MALRD1: variants seen among roughly 807,000 people sequenced by gnomAD.
The protein encoded by MALRD1 is MAM and LDL receptor class A domain containing 1.
Under a neutral mutation model 242.1 loss-of-function variants are expected in MALRD1, and 247 were observed. The observed-to-expected ratio is 1.02, with a 90% CI of 0.92 to 1.13. The LOEUF (loss-of-function observed/expected upper bound fraction) is 1.13. MALRD1 is among the 50% of genes most tolerant of loss of function. MALRD1 has a pLI of 0.00. For missense variants in MALRD1, 2,989 were observed against 2,533.1 expected, an observed-to-expected ratio of 1.18 and a Z score of -3.86; for synonymous variants, 995 against 866.6, an observed-to-expected ratio of 1.15 and a Z score of -2.60.
intron 38 of MALRD1, among the ~76,000 whole-genome samples, chr10:19,718,857 C>T (rs975645963): frequency 6.6e-6 from 1 of 151,532 alleles, no homozygotes; most frequent in Non-Finnish European, 1.5e-5. Flanking sequence ...TTTACTAGGC[C>T]GAGATGGGTT....
intron 28 of MALRD1, among the ~76,000 whole-genome samples, chr10:19,438,943 G>C (rs1000327532): frequency 3.9e-5 from 6 of 152,094 alleles, no homozygotes; most frequent in Admixed American, 6.6e-5. Context: ...AGATTCACTG[G>C]CAACCGATGC....
At chr10:19,217,381 C>T (rs551680027) in intron 18 of MALRD1, among the ~76,000 whole-genome samples, 2 of 152,188 alleles carry the variant, frequency 1.3e-5, no homozygotes, top group African/African-American at 4.8e-5. Flanking sequence ...CTGAAACATG[C>T]TTGGAAAATA....
At chr10:19,704,465 G>T (rs549493280) in intron 38 of MALRD1, among the ~76,000 whole-genome samples, 1 of 152,220 alleles carries the variant, frequency 6.6e-6, no homozygotes. Flanking sequence ...GGCCATCATC[G>T]TGGCCTCATG....
At chr10:19,491,305 A>T (rs112567547) in intron 29 of MALRD1, 1 of 712,998 alleles carries the variant, frequency 1.4e-6, no homozygotes, top group African/African-American at 1.8e-5. Context: ...ATCAAAGTGC[A>T]TAAAAGATAT....
intron 10 of MALRD1, among the ~76,000 whole-genome samples, chr10:19,142,038 G>C (rs1043856947): frequency 6.6e-6 from 1 of 151,858 alleles, no homozygotes; most frequent in Non-Finnish European, 1.5e-5. Context: ...CGGGCGTTGT[G>C]GTGGGCGCCT....
chr10:19,386,426 A>AAC (rs1554761108), intron 26 of MALRD1, among the ~76,000 whole-genome samples: 26 of 151,108 alleles, frequency 1.7e-4, no homozygotes, highest in African/African-American at 6.3e-4. Context: ...GAAAAAAAAA[A>AAC]TGTCAGATCC....
chr10:19,064,769 CAAA>C (rs147678284), intron 1 of MALRD1, among the ~76,000 whole-genome samples: 3 of 63,174 alleles, frequency 4.7e-5, no homozygotes, highest in Admixed American at 1.7e-4. Context: ...AACTCTGTCT[CAAA>C]AAAAAAAAAA....
chr10:19,522,109 C>T (rs1245078719), intron 31 of MALRD1, among the ~76,000 whole-genome samples: 1 of 142,566 alleles, frequency 7.0e-6, no homozygotes, highest in African/African-American at 3.0e-5. Context: ...ATTGGTGACT[C>T]CTGGTCCGCC....
intron 31 of MALRD1, among the ~76,000 whole-genome samples, chr10:19,526,928 T>A (rs893597217): frequency 1.3e-5 from 2 of 152,062 alleles, no homozygotes; most frequent in African/African-American, 2.4e-5. Context: ...CTGGGGAAAA[T>A]GTAGAATAGG....
At chr10:19,299,289 A>T (rs145730707) in intron 21 of MALRD1, among the ~76,000 whole-genome samples, 1 of 151,974 alleles carries the variant, frequency 6.6e-6, no homozygotes, top group Non-Finnish European at 1.5e-5. Flanking sequence ...CTGCTTCTCC[A>T]TAAAAACTGG....
chr10:19,390,389 A>G lies in MALRD1; in HGVS notation c.4845+780A>G, dbSNP rs10763977. On this transcript the variant is annotated intron_variant, in intron 28 of 39. Transcript: ENST00000454679. ...AAGGTATGATTACATGAAACTGCTT[A>G]TTAACTGACACAGTAATGCATTTTC... 1.8e-3 allele frequency among the ~76,000 whole-genome samples: 274 copies of G among 152,252 alleles called. 1 individual carries two copies. Among genetic ancestry groups the G allele is most frequent in the African/African-American group, 6.4e-3 (266 of 41,560 alleles).
chr10:19,560,671 A>G (rs1001172299), intron 32 of MALRD1, among the ~76,000 whole-genome samples: 2 of 152,178 alleles, frequency 1.3e-5, no homozygotes, highest in African/African-American at 2.4e-5. Flanking sequence ...CGGGACATGG[A>G]TGAAGCTGGA....
intron 28 of MALRD1, among the ~76,000 whole-genome samples, chr10:19,412,688 A>C (rs1833325690): frequency 6.6e-6 from 1 of 152,220 alleles, no homozygotes; most frequent in Admixed American, 6.5e-5. Flanking sequence ...ATGGTGAAAA[A>C]TGACAAACCA....
chr10:19,150,454 G>A (rs1439577414), intron 11 of MALRD1, among the ~76,000 whole-genome samples: 1 of 152,130 alleles, frequency 6.6e-6, no homozygotes, highest in Non-Finnish European at 1.5e-5. Flanking sequence ...GTACCTGAAA[G>A]GGGCAGCTGG....
chr10:19,096,622 C>T (rs1836044331), intron 4 of MALRD1, among the ~76,000 whole-genome samples: 1 of 152,116 alleles, frequency 6.6e-6, no homozygotes, highest in African/African-American at 2.4e-5. Flanking sequence ...AGCCTGCCAC[C>T]ATCTAATAAC....
intron 24 of MALRD1, among the ~76,000 whole-genome samples, chr10:19,338,020 C>G (rs991626946): frequency 1.1e-4 from 17 of 151,328 alleles, no homozygotes; most frequent in Non-Finnish European, 2.4e-4. Context: ...CAAGATCACG[C>G]CACTGCACTC....
At chr10:19,070,836 CTTTTTTTTTTTTTTTTT>C (rs3042437) in intron 2 of MALRD1, among the ~76,000 whole-genome samples, 1 of 52,444 alleles carries the variant, frequency 1.9e-5, no homozygotes, top group Non-Finnish European at 3.4e-5. Context: ...AAATGACAAA[CTTTTTTTTTTTTTTTTT>C]TTTTTTTTTT....
At chr10:19,442,696 T>C (rs1012034912) in intron 28 of MALRD1, among the ~76,000 whole-genome samples, 1 of 152,202 alleles carries the variant, frequency 6.6e-6, no homozygotes, top group Non-Finnish European at 1.5e-5. Context: ...ATAAGCTTTT[T>C]GATGTGCCGC....
chr10:19,066,572 C>T, intron 1 of MALRD1, 147 bp from the exon 2 acceptor site: 1 of 588,594 alleles, frequency 1.7e-6, no homozygotes. Flanking sequence ...AAAAGCTTTG[C>T]ATGAATAAAG....
Sources: allele counts gnomAD v4.1 joint callset (sites outside exome capture counted in the v4.1 genomes callset), GRCh38; gene constraint gnomAD v4.1.1; transcripts MANE v1.5; gene names NCBI Gene and HGNC (gene_info 2026-07-23, HGNC 2026-07-21).